LARGE1: variants seen among roughly 807,000 people sequenced by gnomAD.
The protein encoded by LARGE1 is xylosyl- and glucuronyltransferase LARGE1.
Under a neutral mutation model 87.6 loss-of-function variants are expected in LARGE1, and 43 were observed. That is an observed-to-expected ratio of 0.49 (90% CI 0.38 to 0.63). LARGE1 has a LOEUF of 0.63. Ranked by LOEUF, LARGE1 falls within the 30% of genes least tolerant of loss-of-function variation. LARGE1 has a pLI of 0.00. For missense variants in LARGE1, 802 were observed against 1,000.2 expected (o/e 0.80, Z 2.67); for synonymous variants, 434 against 394.6 (o/e 1.10, Z -1.18).
chr22:33,896,597 A>G (rs1457235659), intron 1 of LARGE1, among the ~76,000 whole-genome samples: 1 of 152,124 alleles, frequency 6.6e-6, no homozygotes, highest in Non-Finnish European at 1.5e-5. Context: ...GCAACGTCCT[A>G]TTGTTAGCAC....
At chr22:33,148,085 G>C in the LARGE1 span, among the ~76,000 whole-genome samples, 1 of 152,182 alleles carries the variant, frequency 6.6e-6, no homozygotes, top group Non-Finnish European at 1.5e-5. Context: ...CAAGGGATGA[G>C]TTTGGGCCTG....
chr22:33,224,596 T>C (rs137472), intron 11 of LARGE1, among the ~76,000 whole-genome samples: 18,746 of 152,158 alleles, frequency 0.12, 1,894 homozygotes, highest in African/African-American at 0.28. Context: ...CTATTACCTG[T>C]TGTGCACATA....
At chr22:33,148,211 A>G in the LARGE1 span, among the ~76,000 whole-genome samples, 5 of 152,310 alleles carry the variant, frequency 3.3e-5, no homozygotes, top group Middle Eastern at 3.4e-3. Flanking sequence ...GAGCCAAATA[A>G]ACTTCTGTTC....
intron 3 of LARGE1, among the ~76,000 whole-genome samples, chr22:33,643,197 T>C (rs1482961266): frequency 1.3e-5 from 2 of 151,968 alleles, no homozygotes; most frequent in African/African-American, 4.8e-5. Flanking sequence ...ACAAACAGTC[T>C]CTCAGACCAC....
At chr22:33,091,410 A>C in the LARGE1 span, among the ~76,000 whole-genome samples, 1 of 151,960 alleles carries the variant, frequency 6.6e-6, no homozygotes, top group Non-Finnish European at 1.5e-5. Flanking sequence ...AAAATACAAA[A>C]ATTAGCCAGT....
chr22:33,486,094 A>G (rs1486179113), intron 6 of LARGE1, among the ~76,000 whole-genome samples: 2 of 152,178 alleles, frequency 1.3e-5, no homozygotes, highest in African/African-American at 4.8e-5. Flanking sequence ...GCAAAGGGGA[A>G]GAAGAGGAAA....
At chr22:33,091,897 CGTTT>C in the LARGE1 span, among the ~76,000 whole-genome samples, 985 of 152,074 alleles carry the variant, frequency 6.5e-3, 11 homozygotes, top group African/African-American at 0.022. Context: ...CTTCGTTTTT[CGTTT>C]GTTTGTTTGT....
chr22:33,696,741 C>T (rs1282958467), intron 2 of LARGE1, among the ~76,000 whole-genome samples: 1 of 152,122 alleles, frequency 6.6e-6, no homozygotes, highest in Non-Finnish European at 1.5e-5. Flanking sequence ...TTCCTGCTTC[C>T]TGTGAGTTGC....
chr22:33,893,062 G>A (rs1035734865), intron 1 of LARGE1, among the ~76,000 whole-genome samples: 1 of 152,208 alleles, frequency 6.6e-6, no homozygotes, highest in African/African-American at 2.4e-5. Context: ...TTCAGCAGAA[G>A]CACATTAAAT....
intron 6 of LARGE1, among the ~76,000 whole-genome samples, chr22:33,542,866 GCTAGTAAAGATGAAACACAGA>G (rs999686685): frequency 1.3e-5 from 2 of 152,098 alleles, no homozygotes; most frequent in African/African-American, 4.8e-5. Flanking sequence ...CTCGCCTACA[GCTAGTAAAGATGAAACACAGA>G]CTTCTGTCCA....
intron 5 of LARGE1, among the ~76,000 whole-genome samples, chr22:33,590,353 C>T (rs934917411): frequency 7.9e-5 from 12 of 152,246 alleles, no homozygotes; most frequent in African/African-American, 1.9e-4. Flanking sequence ...AAAGCATTTA[C>T]GTTTATTAAA....
At chr22:33,833,248 ACCCTCGGTT>A (rs2063023629) in intron 1 of LARGE1, among the ~76,000 whole-genome samples, 1 of 152,226 alleles carries the variant, frequency 6.6e-6, no homozygotes, top group Admixed American at 6.5e-5. Flanking sequence ...CAAACCAGTG[ACCCTCGGTT>A]ACAGGCTTAA....
chr22:33,571,522 A>G (rs1320765344), intron 5 of LARGE1, among the ~76,000 whole-genome samples: 2 of 152,156 alleles, frequency 1.3e-5, no homozygotes, highest in Non-Finnish European at 2.9e-5. Flanking sequence ...CCTTTGATAA[A>G]TAAGGGAAAA....
chr22:33,904,406 G>A lies in LARGE1; in HGVS notation c.-83+15589C>T, dbSNP rs191808650. On this transcript the variant is annotated intron_variant, in intron 1 of 14. Transcript: ENST00000397394. ...CCTGACCTCGTGGTCCCCCCGCCTC[G>A]GCCTCCCAAAGTGCTAGGATTACAG... is the stretch of plus-strand genomic sequence containing the variant. 3.9e-5 allele frequency among the ~76,000 whole-genome samples: 6 copies of A among 152,208 alleles called. 1 individual carries two copies. The highest frequency in any genetic ancestry group is 1.4e-4 in the African/African-American group (6 of 41,534).
At chr22:33,242,757 A>G (rs1293845950) in intron 11 of LARGE1, among the ~76,000 whole-genome samples, 2 of 152,188 alleles carry the variant, frequency 1.3e-5, no homozygotes, top group Non-Finnish European at 2.9e-5. Flanking sequence ...TGGCATATCA[A>G]CAGAAAAGTA....
intron 6 of LARGE1, among the ~76,000 whole-genome samples, chr22:33,528,794 T>C (rs2072042647): frequency 6.6e-6 from 1 of 152,218 alleles, no homozygotes; most frequent in Non-Finnish European, 1.5e-5. Flanking sequence ...ACAACTTAGT[T>C]GTCAAGGTTA....
At chr22:33,725,276 T>A (rs1013947219) in intron 2 of LARGE1, among the ~76,000 whole-genome samples, 2 of 152,128 alleles carry the variant, frequency 1.3e-5, no homozygotes, top group Admixed American at 1.3e-4. Flanking sequence ...AATCCCAGGA[T>A]GTGGTCTGGG....
intron 6 of LARGE1, among the ~76,000 whole-genome samples, chr22:33,536,802 TTTTA>T (rs201182385): frequency 0.011 from 1,619 of 152,226 alleles, 15 homozygotes; most frequent in Middle Eastern, 0.027. Flanking sequence ...AGGCCATTTA[TTTTA>T]TTTATTTATT....
intron 11 of LARGE1, among the ~76,000 whole-genome samples, chr22:33,259,157 C>A (rs772320956): frequency 6.6e-6 from 1 of 152,160 alleles, no homozygotes; most frequent in Non-Finnish European, 1.5e-5. Context: ...GGATTACAGG[C>A]ATGAGCCACT....
Sources: gnomAD v4.1 joint callset for allele counts (sites outside exome capture counted in the v4.1 genomes callset) on GRCh38, gnomAD v4.1.1 for gene constraint, MANE v1.5 for transcripts, NCBI Gene and HGNC (gene_info 2026-07-23, HGNC 2026-07-21) for gene names.